SPTBN4: variants seen among roughly 807,000 people sequenced by gnomAD.
The protein encoded by SPTBN4 is spectrin beta chain, non-erythrocytic 4.
SPTBN4 carries 96 observed loss-of-function variants against 277.8 expected under a neutral mutation model. That is an observed-to-expected ratio of 0.35 (90% CI 0.29 to 0.41). SPTBN4 has a LOEUF of 0.41. SPTBN4 is among the 10% of genes least tolerant of loss of function. The probability of loss-of-function intolerance (pLI) is 1.00; values close to 1 mark genes in which losing one functional copy is unlikely to be tolerated. For synonymous variants in SPTBN4, 1,481 were observed against 1,580.3 expected (o/e 0.94, Z 1.49); for missense variants, 3,006 against 3,595.7 (o/e 0.84, Z 4.19).
At chr19:40,476,237 C>T (rs1051683442) in intron 2 of SPTBN4, among the ~76,000 whole-genome samples, 1 of 151,150 alleles carries the variant, frequency 6.6e-6, no homozygotes, top group African/African-American at 2.4e-5. Context: ...CCCAGCTACT[C>T]AGGAGGATGA....
chr19:40,481,196 T>A lies in SPTBN4; in HGVS notation c.170-6501T>A, dbSNP rs188063846. 6.6e-5 allele frequency among the ~76,000 whole-genome samples: 10 copies of A among 152,278 alleles called. 1 individual carries two copies. The East Asian group carries it at 1.7e-3, about 26-fold the overall frequency. ...AAGCTGTCCAATCATAGAGTAAGGG[T>A]ATATATTTTATTTTACATATATATG... On this transcript the variant is annotated intron_variant, in intron 2 of 35. Transcript: ENST00000598249.
intron 13 of SPTBN4, among the ~76,000 whole-genome samples, chr19:40,512,209 G>A (rs2080398678): frequency 6.6e-6 from 1 of 152,216 alleles, no homozygotes; most frequent in Non-Finnish European, 1.5e-5. Context: ...TACAGAATCT[G>A]AGATGCTCTG....
chr19:40,506,183 T>G (rs1599743021), intron 12 of SPTBN4, 53 bp from the exon 13 acceptor site: 1 of 1,543,850 alleles, frequency 6.5e-7, no homozygotes. Flanking sequence ...GGGGGAGAGG[T>G]GAGTGGCCCA....
intron 1 of SPTBN4, among the ~76,000 whole-genome samples, chr19:40,467,633 G>T (rs897717476): frequency 2.0e-5 from 3 of 151,922 alleles, no homozygotes; most frequent in African/African-American, 7.2e-5. Context: ...CGGGGGGGGG[G>T]GGGTGTTGGG....
chr19:40,568,540 G>C (rs1599822601), intron 31 of SPTBN4, among the ~76,000 whole-genome samples: 1 of 152,220 alleles, frequency 6.6e-6, no homozygotes, highest in South Asian at 2.1e-4. Flanking sequence ...TCGGCCCCTG[G>C]GTTGTGACTC....
intron 2 of SPTBN4, among the ~76,000 whole-genome samples, chr19:40,478,328 A>G (rs1322395639): frequency 6.6e-6 from 1 of 152,150 alleles, no homozygotes; most frequent in African/African-American, 2.4e-5. Flanking sequence ...AGATAAAAAA[A>G]AAAAATCCTC....
At chr19:40,569,773 G>C (rs750128439) in intron 32 of SPTBN4, 47 bp downstream of exon 32, 3 of 1,560,078 alleles carry the variant, frequency 1.9e-6, no homozygotes, top group African/African-American at 1.4e-5. Flanking sequence ...CCCTTTTTCA[G>C]AGCAGGAGGC....
rs1272142922 is a variant in SPTBN4 at position 40,565,740 on chromosome 19, A to C, written c.6134A>C (p.Gln2045Pro). 1.3e-6 allele frequency: 2 copies of C among 1,551,908 alleles called. No homozygotes were observed. The highest frequency in any genetic ancestry group is 1.7e-6 in the Non-Finnish European group (2 of 1,147,690). Residue 2045 changes from glutamine (Q) to proline (P), a missense_variant, in exon 29 of 36, where the codon CAG (glutamine) becomes CCG (proline). Physicochemically the swap from Gln to Pro is moderately conservative, Grantham distance 76. This residue lies in a region of SPTBN4 where 425 missense variants were observed against 594.7 expected (regional missense o/e 0.71). Coordinates refer to ENST00000598249, the MANE Select transcript of SPTBN4 (RefSeq NM_020971.3). ...EKWDRHWEWL[Q>P]QMLEVHQFAQ... ...TGGGACCGCCATTGGGAGTGGCTGC[A>C]GCAGAGTGAGTGGGGGCCCAGGCAC...
chr19:40,568,294 G>C lies in SPTBN4; in HGVS notation c.6956+12G>C. The C allele has an allele frequency of 6.3e-7, 1 of 1,591,480 alleles. No homozygotes were observed. ...GACCTGGTCAAGGGGTGAGGTGCCC[G>C]CCTTATGACCAGAAAGTGAGGGGAG... On this transcript the variant is annotated intron_variant, in intron 31 of 35. Coordinates refer to ENST00000598249, the MANE Select transcript of SPTBN4 (RefSeq NM_020971.3).
At chr19:40,546,594 G>A (rs564744099) in intron 20 of SPTBN4, among the ~76,000 whole-genome samples, 4 of 152,166 alleles carry the variant, frequency 2.6e-5, no homozygotes, top group Non-Finnish European at 5.9e-5. Flanking sequence ...TGTAATCCCA[G>A]CACTTTGGAA....
At position 40,515,259 on chromosome 19, in the gene SPTBN4, A is replaced by G. The variant is rs1057436304; in HGVS notation, c.2766-52A>G. The G allele has an allele frequency of 3.3e-5, 53 of 1,582,436 alleles. 1 individual carries two copies. Among genetic ancestry groups the G allele is most frequent in the Non-Finnish European group, 3.0e-5 (35 of 1,166,774 alleles). The stretch of plus-strand genomic sequence containing the variant: ...GTAGAACCAGTAGAAGGTATTTCAT[A>G]AAACCAAGGTCCGCAGGGTTCGGGT... On this transcript the variant is annotated intron_variant, in intron 14 of 35. Transcript: ENST00000598249. The surrounding 1 kb of genome is among the most constrained non-coding windows in gnomAD (Gnocchi z 4.1).
chr19:40,470,697 A>G (rs1207348631), intron 1 of SPTBN4, among the ~76,000 whole-genome samples: 1 of 150,774 alleles, frequency 6.6e-6, no homozygotes, highest in African/African-American at 2.5e-5. Context: ...CAGTGGCACA[A>G]TCTCAGCTCA....
At chr19:40,492,275 G>A (rs1258716034) in intron 4 of SPTBN4, among the ~76,000 whole-genome samples, 1 of 152,024 alleles carries the variant, frequency 6.6e-6, no homozygotes, top group Middle Eastern at 3.2e-3. Flanking sequence ...GGATGATGGG[G>A]CTGCCCTGAG....
In SPTBN4 at chr19:40,567,747, G is replaced by A; in HGVS notation, c.6421G>A (p.Ala2141Thr). ...GTTCTTTGGGGACCCCACGGAACTG[G>A]CGGCCAAGGCGGCGCCCCTGCTGCG... ...RKFFGDPTEL[A>T]AKAAPLLRPG... Residue 2141 changes from alanine (A) to threonine (T), a missense_variant, in exon 31 of 36, where the codon GCG becomes ACG. Physicochemically the swap from Ala to Thr is moderately conservative, Grantham distance 58 (BLOSUM62 0). Around this residue, in one of 5 missense-constraint regions of SPTBN4, gnomAD observed 630 missense variants for 677.6 expected, o/e 0.93. Coordinates refer to ENST00000598249, the MANE Select transcript of SPTBN4 (RefSeq NM_020971.3). The A allele has an allele frequency of 6.5e-7, 1 of 1,547,254 alleles. No individual in the cohort carries two copies.
At position 40,503,950 on chromosome 19, in the gene SPTBN4, T is replaced by C; in HGVS notation, c.1483T>C (p.Leu495=). 1 of 1,613,874 alleles carries C rather than the reference T, an allele frequency of 6.2e-7. No homozygotes were observed. The highest frequency in any genetic ancestry group is 1.3e-5 in the African/African-American group (1 of 75,004). ...VQGVAELAQA[L]AAEGYYDIRR... ...GGGTGTGGCGGAGCTGGCCCAGGCATTGGCAGCCGAAGGCTACTACGATAT... is the reference window on the plus strand; with the variant it reads ...GGGTGTGGCGGAGCTGGCCCAGGCACTGGCAGCCGAAGGCTACTACGATAT... Residue 495 remains leucine, a synonymous_variant, in exon 12 of 36, where the codon TTG becomes CTG. Transcript: ENST00000598249.
At chr19:40,546,610 A>G (rs112913894) in intron 20 of SPTBN4, among the ~76,000 whole-genome samples, 1 of 152,110 alleles carries the variant, frequency 6.6e-6, no homozygotes, top group East Asian at 1.9e-4. Context: ...TGGAAGGCCA[A>G]CGTGAGAATA....
At chr19:40,516,169 T>C (rs1599755580) in intron 15 of SPTBN4, among the ~76,000 whole-genome samples, 2 of 144,808 alleles carry the variant, frequency 1.4e-5, no homozygotes, top group African/African-American at 5.2e-5. Flanking sequence ...GCCCAGGAGG[T>C]AGAGATTGCA....
Position 40,549,316 on chromosome 19 carries a change from G to A in SPTBN4, c.4487G>A (p.Arg1496His). The A allele has an allele frequency of 6.5e-7, 1 of 1,538,996 alleles. No homozygotes were observed. The highest frequency in any genetic ancestry group is 8.7e-7 in the Non-Finnish European group (1 of 1,145,684). ...VGERQNAVGE[R>H]LVRLLEPLQE... ...GAGCGGCAGAACGCGGTGGGCGAGC[G>A]CCTGGTGCGCCTGCTCGAGCCGTTG... Residue 1496 changes from arginine (R) to histidine (H), a missense_variant, in exon 21 of 36, where the codon CGC (arginine) becomes CAC (histidine). Around this residue, in one of 5 missense-constraint regions of SPTBN4, gnomAD observed 1,759 missense variants for 2,061.5 expected, o/e 0.85. Transcript: ENST00000598249.
At chr19:40,558,383 G>A (rs1463969953) in intron 26 of SPTBN4, among the ~76,000 whole-genome samples, 3 of 151,224 alleles carry the variant, frequency 2.0e-5, no homozygotes, top group Non-Finnish European at 4.4e-5. Flanking sequence ...TTAGATAACA[G>A]GTCTCTGATG....
Sources: gnomAD v4.1 joint callset for allele counts (sites outside exome capture counted in the v4.1 genomes callset) on GRCh38, gnomAD v4.1.1 for gene constraint, gnomAD v4.1.1 regional missense constraint, Gnocchi (gnomAD v3.1) non-coding constraint, MANE v1.5 for transcripts, NCBI Gene and HGNC (gene_info 2026-07-23, HGNC 2026-07-21) for gene names.